The following CMSS1 variants were observed in gnomAD, a reference collection of about 807,000 sequenced individuals.
CMSS1 encodes the protein protein CMSS1.
CMSS1 carries 33 observed loss-of-function variants against 43.5 expected under a neutral mutation model. That is an observed-to-expected ratio of 0.76 (90% CI 0.57 to 1.01). CMSS1 has a LOEUF of 1.01. Among genes scored for constraint, CMSS1 ranks in the 50% least tolerant of loss-of-function variants. CMSS1 has a pLI of 0.00. For synonymous variants in CMSS1, 115 were observed against 117.2 expected, an observed-to-expected ratio of 0.98 and a Z score of 0.12; for missense variants, 313 against 326.4, an observed-to-expected ratio of 0.96 and a Z score of 0.32.
At position 100,180,314 on chromosome 3, in the gene CMSS1, C is replaced by T. The variant is rs1410708125; in HGVS notation, c.*1926C>T. Reference sequence around the variant, plus strand: ...GCTTGAATTTCTCCCCAGAAAATGGCTTTTCTTTTCTACCACATGGTCAGG... The same window carrying T: ...GCTTGAATTTCTCCCCAGAAAATGGTTTTTCTTTTCTACCACATGGTCAGG... On this transcript the variant is annotated 3_prime_UTR_variant, in exon 10 of 10. Coordinates refer to ENST00000421999, the MANE Select transcript of CMSS1 (RefSeq NM_032359.4). The T allele has an allele frequency of 2.0e-5, 3 of 152,228 alleles. No individual in the cohort carries two copies. The highest frequency in any genetic ancestry group is 7.2e-5 in the African/African-American group (3 of 41,464). The allele number at this position is 152,228 out of a possible 1,614,324, so 9.4% of individuals were successfully genotyped here. A position where few individuals can be genotyped will look rare whatever the true frequency, so the allele number is the denominator to read the frequency against.
chr3:99,819,101 A>G (rs1004896566), intron 1 of CMSS1, among the ~76,000 whole-genome samples: 2 of 152,256 alleles, frequency 1.3e-5, no homozygotes, highest in Non-Finnish European at 2.9e-5. Context: ...AATATCCATT[A>G]AAAATAACCA....
At chr3:99,911,280 C>T (rs1238054456) in intron 1 of CMSS1, among the ~76,000 whole-genome samples, 1 of 149,350 alleles carries the variant, frequency 6.7e-6, no homozygotes, top group Non-Finnish European at 1.5e-5. Flanking sequence ...GTGTTTTGCT[C>T]GTAATAGTTT....
chr3:99,850,401 CATA>C, intron 1 of CMSS1: 2 of 1,613,774 alleles, frequency 1.2e-6, no homozygotes, highest in Non-Finnish European at 1.7e-6. Context: ...TTTCCAGAGC[CATA>C]ATTCTTTTAC....
At position 100,004,840 on chromosome 3, in the gene CMSS1, G is replaced by A. The variant is rs148254105; in HGVS notation, c.65-142133G>A. 7.2e-3 allele frequency among the ~76,000 whole-genome samples: 1,095 copies of A among 152,342 alleles called. 4 individuals carry two copies. The highest frequency in any genetic ancestry group is 1.0e-2 in the African/African-American group (415 of 41,584). On this transcript the variant is annotated intron_variant, in intron 1 of 9. Transcript: ENST00000421999. ...GTTTGAGTTTCCCCCTATGGGGCAG[G>A]TGGGGAAAATCTGGCCACTGAGAGA...
intron 1 of CMSS1, among the ~76,000 whole-genome samples, chr3:100,064,331 A>G (rs566103264): frequency 1.3e-5 from 2 of 152,054 alleles, no homozygotes; most frequent in South Asian, 4.2e-4. Flanking sequence ...CTAAAGGACC[A>G]ATTTGCCACC....
chr3:99,861,355 C>CA (rs1366775462), intron 1 of CMSS1, among the ~76,000 whole-genome samples: 2 of 152,108 alleles, frequency 1.3e-5, no homozygotes, highest in Admixed American at 6.6e-5. Flanking sequence ...GAGAAGTATC[C>CA]AAAAAGCCAC....
At chr3:99,846,114 A>G (rs1363809969) in intron 1 of CMSS1, among the ~76,000 whole-genome samples, 3 of 152,158 alleles carry the variant, frequency 2.0e-5, no homozygotes, top group Non-Finnish European at 4.4e-5. Flanking sequence ...CCCAAACTCT[A>G]TTAGTTACAA....
At chr3:100,051,791 T>A (rs1436844089) in intron 1 of CMSS1, among the ~76,000 whole-genome samples, 1 of 151,388 alleles carries the variant, frequency 6.6e-6, no homozygotes, top group Admixed American at 6.6e-5. Flanking sequence ...GTCTTTGCTA[T>A]TGTGAATAGT....
chr3:99,950,005 G>C (rs978283706), intron 1 of CMSS1, among the ~76,000 whole-genome samples: 3 of 152,114 alleles, frequency 2.0e-5, no homozygotes, highest in Non-Finnish European at 4.4e-5. Context: ...TCAAAGGTAT[G>C]CTTCTACCTT....
chr3:100,148,652 A>T (rs2066875245), intron 2 of CMSS1, among the ~76,000 whole-genome samples: 1 of 152,172 alleles, frequency 6.6e-6, no homozygotes, highest in African/African-American at 2.4e-5. Context: ...TTCCTCACAG[A>T]GTTGTAATGA....
chr3:99,846,428 C>A (rs897450069), intron 1 of CMSS1, among the ~76,000 whole-genome samples: 2 of 152,226 alleles, frequency 1.3e-5, no homozygotes, highest in African/African-American at 4.8e-5. Context: ...GCAGCATTAT[C>A]ATTGTCTGTT....
chr3:99,850,788 T>G, intron 1 of CMSS1: 1 of 1,614,222 alleles, frequency 6.2e-7, no homozygotes, highest in Non-Finnish European at 8.5e-7. Context: ...TGGTCTGCGT[T>G]TGCAGTTCCT....
chr3:99,934,984 T>G (rs1200995608), intron 1 of CMSS1, among the ~76,000 whole-genome samples: 2 of 152,180 alleles, frequency 1.3e-5, no homozygotes, highest in Non-Finnish European at 2.9e-5. Flanking sequence ...TATGCAGACT[T>G]CTGGTCTACT....
chr3:100,176,267 T>C, intron 8 of CMSS1, 60 bp from the exon 9 acceptor site: 1 of 1,176,140 alleles, frequency 8.5e-7, no homozygotes. Flanking sequence ...TAAAAAATCA[T>C]TTTAATAAGC....
At chr3:100,083,601 C>T (rs1173374439) in intron 1 of CMSS1, among the ~76,000 whole-genome samples, 2 of 152,152 alleles carry the variant, frequency 1.3e-5, no homozygotes, top group Admixed American at 6.5e-5. Flanking sequence ...ATATTAGTTG[C>T]TTAGTGCATG....
intron 1 of CMSS1, among the ~76,000 whole-genome samples, chr3:99,963,159 T>C (rs1004399492): frequency 1.3e-5 from 2 of 152,192 alleles, no homozygotes; most frequent in African/African-American, 4.8e-5. Flanking sequence ...TTCGAAATGC[T>C]CTTACTCTTA....
chr3:99,848,081 A>G (rs1002413880), intron 1 of CMSS1: 15 of 1,330,806 alleles, frequency 1.1e-5, no homozygotes, highest in Non-Finnish European at 1.4e-5. Context: ...ATGTAAATGA[A>G]AAGATATACA....
At chr3:99,833,922 TG>T (rs1559649104) in intron 1 of CMSS1, among the ~76,000 whole-genome samples, 1 of 152,240 alleles carries the variant, frequency 6.6e-6, no homozygotes, top group Non-Finnish European at 1.5e-5. Flanking sequence ...CAGTGTTTAA[TG>T]GGAAAGTATA....
At chr3:99,841,422 G>GT (rs1433317947) in intron 1 of CMSS1, among the ~76,000 whole-genome samples, 3 of 152,108 alleles carry the variant, frequency 2.0e-5, no homozygotes, top group African/African-American at 7.2e-5. Context: ...TCCCTCTATT[G>GT]TTTAGACCTT....
Sources: allele counts gnomAD v4.1 joint callset (sites outside exome capture counted in the v4.1 genomes callset), GRCh38; gene constraint gnomAD v4.1.1; transcripts MANE v1.5; gene names NCBI Gene and HGNC (gene_info 2026-07-23, HGNC 2026-07-21).